Variants in SDK1 observed in about 807,000 individuals in gnomAD.
SDK1 encodes the protein sidekick cell adhesion molecule 1, also known as protein sidekick-1.
Under a neutral mutation model 245.5 loss-of-function variants are expected in SDK1, and 157 were observed. The observed-to-expected ratio is 0.64, with a 90% confidence interval of 0.56 to 0.73. SDK1 has a LOEUF of 0.73. Among genes scored for constraint, SDK1 ranks in the 30% least tolerant of loss-of-function variants. The pLI, the probability that SDK1 is intolerant of heterozygous loss-of-function variation, is 0.00. For missense variants in SDK1, 3,583 were observed against 3,002.3 expected (o/e 1.19, Z -4.52); for synonymous variants, 1,647 against 1,278.5 (o/e 1.29, Z -6.15).
At chr7:4,194,084 G>A (rs597116) in intron 35 of SDK1, among the ~76,000 whole-genome samples, 3 of 151,772 alleles carry the variant, frequency 2.0e-5, no homozygotes, top group Non-Finnish European at 4.4e-5. Flanking sequence ...TCCGGAAACC[G>A]CAAAACCAAC....
At chr7:3,664,209 C>T (rs1783454608) in intron 4 of SDK1, among the ~76,000 whole-genome samples, 1 of 152,228 alleles carries the variant, frequency 6.6e-6, no homozygotes, top group East Asian at 1.9e-4. Context: ...GAGTGTAAAG[C>T]ATGAGGCAAG....
intron 1 of SDK1, among the ~76,000 whole-genome samples, chr7:3,605,145 AACACACACAC>A (rs3086077): frequency 6.8e-6 from 1 of 147,316 alleles, no homozygotes; most frequent in African/African-American, 2.5e-5. Context: ...AAAAACAAGA[AACACACACAC>A]ACACACACAC....
At chr7:4,074,569 G>A (rs1780498226) in intron 20 of SDK1, among the ~76,000 whole-genome samples, 1 of 152,018 alleles carries the variant, frequency 6.6e-6, no homozygotes, top group Non-Finnish European at 1.5e-5. Context: ...TAAAGCGAGG[G>A]CAGGGCCCAG....
chr7:4,029,164 C>T (rs982612865), intron 17 of SDK1, among the ~76,000 whole-genome samples: 1 of 150,658 alleles, frequency 6.6e-6, no homozygotes, highest in Non-Finnish European at 1.5e-5. Context: ...AATTGATAGA[C>T]CTAAATACCA....
intron 4 of SDK1, among the ~76,000 whole-genome samples, chr7:3,770,234 A>AT (rs1157003627): frequency 1.3e-5 from 2 of 152,056 alleles, no homozygotes; most frequent in Non-Finnish European, 2.9e-5. Flanking sequence ...ATTTGAGATT[A>AT]TTTTTCCCTC....
chr7:3,312,837 G>T (rs1042354734), intron 1 of SDK1, among the ~76,000 whole-genome samples: 12 of 152,148 alleles, frequency 7.9e-5, no homozygotes, highest in Admixed American at 7.2e-4. Context: ...GAATGGCTGA[G>T]AAGTTTTCAT....
chr7:3,932,653 G>A (rs1258911544), intron 5 of SDK1, among the ~76,000 whole-genome samples: 1 of 152,210 alleles, frequency 6.6e-6, no homozygotes, highest in African/African-American at 2.4e-5. Flanking sequence ...CTAACAAAAT[G>A]AAAAGAGATG....
intron 4 of SDK1, among the ~76,000 whole-genome samples, chr7:3,721,839 A>C (rs1457365116): frequency 6.6e-6 from 1 of 152,206 alleles, no homozygotes; most frequent in African/African-American, 2.4e-5. Context: ...TTGGCATAAC[A>C]ACTTCATGAA....
At chr7:3,964,417 T>C (rs915504226) in intron 9 of SDK1, among the ~76,000 whole-genome samples, 1 of 152,256 alleles carries the variant, frequency 6.6e-6, no homozygotes, top group African/African-American at 2.4e-5. Context: ...GGAAAGACTA[T>C]TGAGTGAATA....
intron 5 of SDK1, among the ~76,000 whole-genome samples, chr7:3,904,909 C>T (rs568943007): frequency 1.3e-5 from 2 of 151,452 alleles, no homozygotes; most frequent in Non-Finnish European, 2.9e-5. Context: ...AGGAGAATGG[C>T]GTGAACCCGG....
chr7:4,226,950 T>C (rs1329440797), intron 40 of SDK1, among the ~76,000 whole-genome samples: 2 of 147,588 alleles, frequency 1.4e-5, no homozygotes, highest in East Asian at 3.9e-4. Flanking sequence ...TTTTTTTTTT[T>C]CTTAAATAAT....
intron 31 of SDK1, among the ~76,000 whole-genome samples, chr7:4,160,047 A>C (rs1300524694): frequency 1.3e-5 from 2 of 152,210 alleles, no homozygotes; most frequent in Non-Finnish European, 2.9e-5. Context: ...CTTTATTGTT[A>C]GCAAACCTGG....
intron 22 of SDK1, among the ~76,000 whole-genome samples, chr7:4,108,772 C>G (rs1454964634): frequency 2.6e-5 from 4 of 152,140 alleles, no homozygotes; most frequent in Non-Finnish European, 5.9e-5. Flanking sequence ...CTGTCTAGTT[C>G]CAAAACATTT....
intron 4 of SDK1, among the ~76,000 whole-genome samples, chr7:3,769,732 T>A (rs1780352747): frequency 6.6e-6 from 1 of 151,990 alleles, no homozygotes; most frequent in African/African-American, 2.4e-5. Context: ...GACTGCCTTC[T>A]ATGGTAGGTT....
chr7:3,407,755 G>A (rs758394315), intron 1 of SDK1, among the ~76,000 whole-genome samples: 1 of 152,168 alleles, frequency 6.6e-6, no homozygotes, highest in Non-Finnish European at 1.5e-5. Context: ...TAGGCATTGG[G>A]TATACAAGGA....
intron 22 of SDK1, among the ~76,000 whole-genome samples, chr7:4,082,655 C>G (rs1781136603): frequency 6.6e-6 from 1 of 152,136 alleles, no homozygotes; most frequent in South Asian, 2.1e-4. Flanking sequence ...GAATCTCACT[C>G]TGTCACCCAG....
intron 5 of SDK1, among the ~76,000 whole-genome samples, chr7:3,839,531 T>A (rs773927543): frequency 2.6e-5 from 4 of 152,154 alleles, no homozygotes; most frequent in Non-Finnish European, 4.4e-5. Flanking sequence ...TTCCTTCCCA[T>A]CTGTTTATTT....
intron 1 of SDK1, among the ~76,000 whole-genome samples, chr7:3,598,605 C>T (rs1177324590): frequency 6.6e-6 from 1 of 152,200 alleles, no homozygotes; most frequent in African/African-American, 2.4e-5. Flanking sequence ...ATTGTCACAC[C>T]TTCCTCATTT....
chr7:3,960,102 C>A (rs746216699), intron 8 of SDK1, among the ~76,000 whole-genome samples: 2 of 152,222 alleles, frequency 1.3e-5, no homozygotes, highest in African/African-American at 4.8e-5. Flanking sequence ...AGAATGACTA[C>A]CAGTTTTGCA....
Sources: allele counts gnomAD v4.1 joint callset (sites outside exome capture counted in the v4.1 genomes callset), GRCh38; gene constraint gnomAD v4.1.1; transcripts MANE v1.5; gene names NCBI Gene and HGNC (gene_info 2026-07-23, HGNC 2026-07-21).